The following MMS22L variants were observed in gnomAD, a reference collection of about 807,000 sequenced individuals.
MMS22L encodes MMS22 like, DNA repair protein, also known as protein MMS22-like.
MMS22L carries 74 observed loss-of-function variants against 159.1 expected under a neutral mutation model. The observed-to-expected ratio is 0.47, with a 90% confidence interval of 0.39 to 0.56. The LOEUF (loss-of-function observed/expected upper bound fraction) is 0.56, where lower values mean the gene tolerates loss of function less well. Ranked by LOEUF, MMS22L falls within the 20% of genes least tolerant of loss-of-function variation. The pLI is 0.00. For synonymous variants in MMS22L, 517 were observed against 506.9 expected (o/e 1.02, Z -0.27); for missense variants, 1,351 against 1,422.1 (o/e 0.95, Z 0.80).
chr6:97,202,665 G>A (rs956740415), intron 14 of MMS22L, among the ~76,000 whole-genome samples: 24 of 152,168 alleles, frequency 1.6e-4, no homozygotes, highest in African/African-American at 5.5e-4. Context: ...TAACAGAAAT[G>A]GAATTATAAC....
At chr6:97,150,748 G>C (rs767217873) in intron 23 of MMS22L, among the ~76,000 whole-genome samples, 2 of 152,042 alleles carry the variant, frequency 1.3e-5, no homozygotes, top group Non-Finnish European at 2.9e-5. Context: ...GAGAAAAATG[G>C]AGGTATCAAA....
intron 9 of MMS22L, chr6:97,260,676 C>T (rs1196782690): frequency 6.6e-6 from 1 of 152,090 alleles, no homozygotes; most frequent in Non-Finnish European, 1.5e-5. Flanking sequence ...GGAGAGGGTA[C>T]CATCAACTAA....
rs1209290 is a variant in MMS22L at position 97,165,287 on chromosome 6, T to A, written c.3180A>T (p.Pro1060=). The A allele has an allele frequency of 5.0e-6, 8 of 1,612,860 alleles. No homozygotes were observed. Among genetic ancestry groups the A allele is most frequent in the Non-Finnish European group, 6.8e-6 (8 of 1,179,384 alleles). ...LLALRNTATI[P]PISSLKKCIV... is the part of the protein sequence containing the mutation. ...TGCATTTCTTTAGAGATGATATTGG[T>A]GGAATAGTGGCTGTGTTTCTCAATG... The change falls in exon 21 of 25, where the codon CCA becomes CCT. Residue 1060 remains proline, a synonymous_variant. Coordinates refer to ENST00000683635, the MANE Select transcript of MMS22L (RefSeq NM_001350599.2).
At chr6:97,209,876 T>C (rs546732898) in intron 14 of MMS22L, among the ~76,000 whole-genome samples, 16 of 152,052 alleles carry the variant, frequency 1.1e-4, no homozygotes, top group Middle Eastern at 3.4e-3. Flanking sequence ...AGCAGCTCTA[T>C]ATAAGCAGAA....
At chr6:97,155,954 G>T (rs1035917868) in intron 22 of MMS22L, among the ~76,000 whole-genome samples, 1 of 152,074 alleles carries the variant, frequency 6.6e-6, no homozygotes, top group Non-Finnish European at 1.5e-5. Context: ...CCAACAGTGT[G>T]AAAGTGTTCC....
rs1344203939 is a variant in MMS22L, at chr6:97,269,874, A to C, written c.697+28T>G. 3 of 1,518,504 alleles carry C rather than the reference A, an allele frequency of 2.0e-6. No homozygotes were observed. The South Asian group carries it at 3.6e-5, about 18-fold the overall frequency. 94.1% of individuals were successfully genotyped at this position (1,518,504 alleles called of 1,614,324 possible). On this transcript the variant is annotated intron_variant, in intron 7 of 24. Coordinates refer to ENST00000683635, the MANE Select transcript of MMS22L (RefSeq NM_001350599.2). The stretch of plus-strand genomic sequence containing the variant: ...AGCAATAAAAGCTGATTTTAAAAAG[A>C]ATATAAATCATAAATCCATAAACTT...
In MMS22L at chr6:97,149,897, C is replaced by T. The variant is rs777603181; in HGVS notation, c.3606G>A (p.Lys1202=). ...HLISTLTQSL[K]DSEQKWGLGR... Reference sequence around the variant, plus strand: ...CAAGGCCCCATTTCTGCTCTGAATCCTTCAGAGACTGAGTAAGGGTAGAAA... The same window carrying T: ...CAAGGCCCCATTTCTGCTCTGAATCTTTCAGAGACTGAGTAAGGGTAGAAA... Residue 1202 remains lysine, a synonymous_variant, in exon 24 of 25, where the codon AAG becomes AAA. Coordinates refer to ENST00000683635, the MANE Select transcript of MMS22L (RefSeq NM_001350599.2). 3.1e-6 allele frequency: 5 copies of T among 1,613,428 alleles called. No individual in the cohort carries two copies. Among genetic ancestry groups the T allele is most frequent in the Non-Finnish European group, 4.2e-6 (5 of 1,179,608 alleles).
intron 22 of MMS22L, among the ~76,000 whole-genome samples, chr6:97,159,017 A>G (rs892748924): frequency 1.3e-5 from 2 of 152,050 alleles, no homozygotes; most frequent in Non-Finnish European, 2.9e-5. Flanking sequence ...TACATTTAGG[A>G]CAGTTAGCTC....
chr6:97,206,525 G>A (rs1807804639), intron 14 of MMS22L, among the ~76,000 whole-genome samples: 3 of 152,026 alleles, frequency 2.0e-5, no homozygotes, highest in South Asian at 2.1e-4. Context: ...ACAAAATTCT[G>A]TTTTATGTTC....
intron 12 of MMS22L, among the ~76,000 whole-genome samples, chr6:97,233,096 T>C (rs1240251928): frequency 6.6e-6 from 1 of 151,532 alleles, no homozygotes; most frequent in Non-Finnish European, 1.5e-5. Context: ...CTCAAACACA[T>C]ACCTAAGTCA....
chr6:97,254,715 T>C lies in MMS22L; in HGVS notation c.961A>G (p.Asn321Asp). ...FVSESFWNWL[N>D]KLLKTLLEKS... ...TCAAGCAGTGTTTTAAGTAGTTTAT[T>C]CAACCAGTTCCAAAATGACTATAGA... The change falls in exon 10 of 25, where the codon AAT becomes GAT. Residue 321 changes from asparagine to aspartate, a missense_variant. By Grantham distance (23) the Asn-to-Asp change is conservative (BLOSUM62 1). Coordinates refer to ENST00000683635, the MANE Select transcript of MMS22L (RefSeq NM_001350599.2). 1 of 1,602,260 alleles carries C rather than the reference T, an allele frequency of 6.2e-7. No individual in the cohort carries two copies. The highest frequency in any genetic ancestry group is 8.5e-7 in the Non-Finnish European group (1 of 1,176,256).
chr6:97,157,331 C>A (rs1801961295), intron 22 of MMS22L, among the ~76,000 whole-genome samples: 1 of 152,162 alleles, frequency 6.6e-6, no homozygotes. Context: ...GCCTGACTGT[C>A]CTGGCCAGAA....
chr6:97,224,209 T>C (rs1809969166), intron 14 of MMS22L, among the ~76,000 whole-genome samples: 3 of 152,256 alleles, frequency 2.0e-5, no homozygotes, highest in South Asian at 4.1e-4. Flanking sequence ...TACAAGAAAC[T>C]CTTCCTATCA....
At chr6:97,185,056 C>T (rs937186049) in intron 15 of MMS22L, among the ~76,000 whole-genome samples, 2 of 152,032 alleles carry the variant, frequency 1.3e-5, no homozygotes, top group Admixed American at 1.3e-4. Context: ...AAAGCATGGT[C>T]TCTCATCTCC....
intron 22 of MMS22L, among the ~76,000 whole-genome samples, chr6:97,157,096 A>G (rs980674601): frequency 1.1e-4 from 17 of 151,784 alleles, no homozygotes; most frequent in African/African-American, 4.1e-4. Context: ...TGTGAATGGG[A>G]GTTCACTCAT....
At chr6:97,152,001 A>G in intron 22 of MMS22L, 134 bp from the exon 23 acceptor site, 1 of 593,970 alleles carries the variant, frequency 1.7e-6, no homozygotes, top group Non-Finnish European at 2.9e-6. Context: ...ATTTTTCAAA[A>G]TGAAATAGTT....
At chr6:97,209,449 A>G (rs987971776) in intron 14 of MMS22L, among the ~76,000 whole-genome samples, 4 of 152,026 alleles carry the variant, frequency 2.6e-5, no homozygotes, top group Middle Eastern at 3.4e-3. Context: ...GTCCATACAA[A>G]GCACCCAAGA....
At chr6:97,264,955 A>C (rs1365863876) in intron 8 of MMS22L, 2 of 152,182 alleles carry the variant, frequency 1.3e-5, no homozygotes, top group African/African-American at 2.4e-5. Context: ...TATTGTTAAA[A>C]TGTCCATACT....
chr6:97,182,137 A>AGT (rs1349850198), intron 15 of MMS22L, 83 bp from the exon 16 acceptor site: 1 of 1,104,904 alleles, frequency 9.1e-7, no homozygotes, highest in Admixed American at 2.6e-5. Context: ...AATTATAACA[A>AGT]GTGTTTTTTT....
Sources: gnomAD v4.1 joint callset for allele counts (sites outside exome capture counted in the v4.1 genomes callset) on GRCh38, gnomAD v4.1.1 for gene constraint, MANE v1.5 for transcripts, NCBI Gene and HGNC (gene_info 2026-07-23, HGNC 2026-07-21) for gene names.